Variants in CXCR5 observed in about 807,000 individuals in gnomAD.
The protein encoded by CXCR5 is C-X-C chemokine receptor type 5.
Under a neutral mutation model 5.6 loss-of-function variants are expected in CXCR5, and 3 were observed. The ratio of observed to expected loss-of-function variants is 0.54; its 90% CI spans 0.24 to 1.39. The LOEUF is 1.39. CXCR5 is among the 40% of genes most tolerant of loss of function. The pLI is 0.16. For missense variants in CXCR5, 333 were observed against 494.6 expected, an observed-to-expected ratio of 0.67 and a Z score of 3.10; for synonymous variants, 218 against 219.9, an observed-to-expected ratio of 0.99 and a Z score of 0.08.
At chr11:118,892,424 C>A (rs2137658226) in intron 1 of CXCR5, among the ~76,000 whole-genome samples, 1 of 152,258 alleles carries the variant, frequency 6.6e-6, no homozygotes, top group South Asian at 2.1e-4. Flanking sequence ...GGACAGAGTA[C>A]CCCATCCCAT....
At chr11:118,884,897 G>A (rs1234381797) in intron 1 of CXCR5, among the ~76,000 whole-genome samples, 1 of 152,066 alleles carries the variant, frequency 6.6e-6, no homozygotes, top group Non-Finnish European at 1.5e-5. Context: ...TGGTTGTAAG[G>A]GTTTCTTGGA....
chr11:118,886,459 C>T lies in CXCR5; in HGVS notation c.51+2467C>T, dbSNP rs763585399. The T allele has an allele frequency of 8.1e-5, 34 of 419,164 alleles. 1 individual carries two copies. The highest frequency in any genetic ancestry group is 5.3e-4 in the South Asian group (31 of 58,278). The allele number at this position is 419,164 out of a possible 1,614,324, so 26.0% of individuals were successfully genotyped here. On this transcript the variant is annotated intron_variant, in intron 1 of 1. Coordinates refer to ENST00000292174, the MANE Select transcript of CXCR5 (RefSeq NM_001716.5). ...ACCAACTCGAGCCGCTTAAAATGTC[C>T]ACTTCTTTAAGGCAGGGGCTGGGGG...
At chr11:118,891,405 T>A (rs1442420035) in intron 1 of CXCR5, among the ~76,000 whole-genome samples, 1 of 152,016 alleles carries the variant, frequency 6.6e-6, no homozygotes, top group Non-Finnish European at 1.5e-5. Context: ...AGCAGCATAA[T>A]CATAGTTCAC....
At position 118,893,133 on chromosome 11, in the gene CXCR5, C is replaced by T. The variant is rs1447403209; in HGVS notation, c.52-463C>T. Among the ~76,000 whole-genome samples, 1 of 152,206 alleles carries T rather than the reference C, an allele frequency of 6.6e-6. No individual in the cohort carries two copies. Among genetic ancestry groups the T allele is most frequent in the African/African-American group, 2.4e-5 (1 of 41,454 alleles). ...GGAAGACCCATGAGGAGGGAGCCCA[C>T]AGGCCAAGTCAGCACCCGCCCGCCC... On this transcript the variant is annotated intron_variant, in intron 1 of 1. Coordinates refer to ENST00000292174, the MANE Select transcript of CXCR5 (RefSeq NM_001716.5). This position sits in a 1 kb window ranked among gnomAD's most constrained non-coding sequence, Gnocchi z 5.7.
chr11:118,891,234 T>G (rs1939805070), intron 1 of CXCR5, among the ~76,000 whole-genome samples: 1 of 152,106 alleles, frequency 6.6e-6, no homozygotes, highest in African/African-American at 2.4e-5. Context: ...AACTCCTGGC[T>G]TCAAGCAATC....
Position 118,889,349 on chromosome 11 carries a change from C to T in CXCR5, c.52-4247C>T, listed in dbSNP as rs145823417. On this transcript the variant is annotated intron_variant, in intron 1 of 1. Coordinates refer to ENST00000292174, the MANE Select transcript of CXCR5 (RefSeq NM_001716.5). ...CTGTGTCTATGCAAGGTGCATGTTG[C>T]TGTCAAGAGTGTGTGTGTGCACGAG... Among the ~76,000 whole-genome samples the T allele has an allele frequency of 3.2e-3, 480 of 152,300 alleles. 2 individuals carry two copies. Among genetic ancestry groups the T allele is most frequent in the African/African-American group, 0.011 (445 of 41,558 alleles).
intron 1 of CXCR5, chr11:118,887,808 C>T (rs570750918): frequency 1.3e-5 from 2 of 152,780 alleles, no homozygotes; most frequent in East Asian, 3.9e-4. Flanking sequence ...CTGGGAATAT[C>T]CACACAGGGA....
chr11:118,893,118 T>G lies in CXCR5; in HGVS notation c.52-478T>G, dbSNP rs554682307. Among the ~76,000 whole-genome samples, 1 of 152,208 alleles carries G rather than the reference T, an allele frequency of 6.6e-6. No homozygotes were observed. The highest frequency in any genetic ancestry group is 2.4e-5 in the African/African-American group (1 of 41,524). On this transcript the variant is annotated intron_variant, in intron 1 of 1. Transcript: ENST00000292174. The surrounding 1 kb of genome is among the most constrained non-coding windows in gnomAD (Gnocchi z 5.7). ...AGACAGTCAGGAACAGGAAGACCCA[T>G]GAGGAGGGAGCCCACAGGCCAAGTC...
rs1362492037 is a variant in CXCR5 at position 118,895,950 on chromosome 11, C to T, written c.*1287C>T. 6.0e-6 allele frequency: 1 copy of T among 167,096 alleles called. No homozygotes were observed. The highest frequency in any genetic ancestry group is 1.5e-5 in the Non-Finnish European group (1 of 68,130). 10.4% of individuals were successfully genotyped at this position (167,096 alleles called of 1,614,324 possible). On this transcript the variant is annotated 3_prime_UTR_variant, in exon 2 of 2. Coordinates refer to ENST00000292174, the MANE Select transcript of CXCR5 (RefSeq NM_001716.5). The surrounding 1 kb of genome is among the most constrained non-coding windows in gnomAD (Gnocchi z 4.2). ...GTCAGGGACCCCTGCCCTTGTCCCA[C>T]TCAAGCCAAGCAGCCAAGCTCCTTG...
At chr11:118,890,623 T>C in intron 1 of CXCR5, among the ~76,000 whole-genome samples, 1 of 152,002 alleles carries the variant, frequency 6.6e-6, no homozygotes. Context: ...TCTAGAGCAA[T>C]AATTTATTAA....
rs1382261097 is a variant in CXCR5 at position 118,894,251 on chromosome 11, G to T, written c.707G>T (p.Trp236Leu). ...GFLLPMLVMG[W>L]CYVGVVHRLR... ...CTGCTGCCCATGCTGGTGATGGGCT[G>T]GTGCTACGTGGGGGTAGTGCACAGG... Residue 236 changes from tryptophan (W) to leucine (L), a missense_variant, in exon 2 of 2, where the codon TGG (tryptophan) becomes TTG (leucine). Trp to Leu is a moderately conservative substitution (Grantham distance 61). Transcript: ENST00000292174. This position sits in a 1 kb window ranked among gnomAD's most constrained non-coding sequence, Gnocchi z 6.1. 2.5e-6 allele frequency: 4 copies of T among 1,614,022 alleles called. No homozygotes were observed. The Admixed American group carries it at 6.7e-5, about 27-fold the overall frequency.
At chr11:118,890,986 C>A (rs1262770600) in intron 1 of CXCR5, among the ~76,000 whole-genome samples, 4 of 152,096 alleles carry the variant, frequency 2.6e-5, no homozygotes, top group African/African-American at 9.7e-5. Flanking sequence ...ATCACTTGGG[C>A]CCAGGAGGTC....
At position 118,897,694 on chromosome 11, in the gene CXCR5, C is replaced by A. The variant is rs2137670049; in HGVS notation, c.*3031C>A. The A allele has an allele frequency of 2.3e-6, 1 of 434,020 alleles. No individual in the cohort carries two copies. Among genetic ancestry groups the A allele is most frequent in the South Asian group, 1.6e-5 (1 of 60,792 alleles). 26.9% of individuals were successfully genotyped at this position (434,020 alleles called of 1,614,324 possible). On this transcript the variant is annotated 3_prime_UTR_variant, in exon 2 of 2. Transcript: ENST00000292174. ...TGGGTGGCCATGTAGGGCTGCATGTCCCTGGGTCCAGGGGAATGGAGGGAG... is the reference window on the plus strand; with the variant it reads ...TGGGTGGCCATGTAGGGCTGCATGTACCTGGGTCCAGGGGAATGGAGGGAG...
chr11:118,889,221 G>A (rs1939769657), intron 1 of CXCR5, among the ~76,000 whole-genome samples: 1 of 152,190 alleles, frequency 6.6e-6, no homozygotes, highest in Non-Finnish European at 1.5e-5. Flanking sequence ...TCTGGTCATT[G>A]TGTTTCTTGC....
At chr11:118,885,273 C>T (rs1939693355) in intron 1 of CXCR5, among the ~76,000 whole-genome samples, 1 of 152,176 alleles carries the variant, frequency 6.6e-6, no homozygotes, top group South Asian at 2.1e-4. Flanking sequence ...TTCATCTAAC[C>T]AGGACCTGCT....
At chr11:118,889,328 G>A (rs1236825201) in intron 1 of CXCR5, among the ~76,000 whole-genome samples, 2 of 152,242 alleles carry the variant, frequency 1.3e-5, no homozygotes, top group Non-Finnish European at 2.9e-5. Context: ...TGGCACCTGT[G>A]TCTATGCAAG....
rs1939877033 is a variant in CXCR5, at chr11:118,894,815, C to T, written c.*152C>T. 1 of 665,582 alleles carries T rather than the reference C, an allele frequency of 1.5e-6. No homozygotes were observed. Among genetic ancestry groups the T allele is most frequent in the African/African-American group, 1.8e-5 (1 of 54,236 alleles). 41.2% of individuals were successfully genotyped at this position (665,582 alleles called of 1,614,324 possible). A position where few individuals can be genotyped will look rare whatever the true frequency, so the allele number is the denominator to read the frequency against. On this transcript the variant is annotated 3_prime_UTR_variant, in exon 2 of 2. Coordinates refer to ENST00000292174, the MANE Select transcript of CXCR5 (RefSeq NM_001716.5). This position sits in a 1 kb window ranked among gnomAD's most constrained non-coding sequence, Gnocchi z 6.1. ...TGGGGTAGCTAGAGGAACCAACCCC[C>T]ATTTCTAGAACATCCCTGCCAGCTC... is the stretch of plus-strand genomic sequence containing the variant.
In CXCR5 at chr11:118,893,699, T is replaced by C; in HGVS notation, c.155T>C (p.Val52Ala). Residue 52 changes from valine to alanine, a missense_variant, in exon 2 of 2, where the codon GTG (valine) becomes GCG (alanine). By Grantham distance (64) the Val-to-Ala change is moderately conservative. Transcript: ENST00000292174. The surrounding 1 kb of genome is among the most constrained non-coding windows in gnomAD (Gnocchi z 5.7). ...CCCCTCATGGCCTCCTTCAAGGCCG[T>C]GTTCGTGCCCGTGGCCTACAGCCTC... is the stretch of plus-strand genomic sequence containing the variant. ...EGPLMASFKA[V>A]FVPVAYSLIF... 2 of 1,614,166 alleles carry C rather than the reference T, an allele frequency of 1.2e-6. No individual in the cohort carries two copies. The highest frequency in any genetic ancestry group is 1.3e-5 in the African/African-American group (1 of 75,044).
At position 118,897,640 on chromosome 11, in the gene CXCR5, C is replaced by T. The variant is rs1302616891; in HGVS notation, c.*2977C>T. On this transcript the variant is annotated 3_prime_UTR_variant, in exon 2 of 2. Coordinates refer to ENST00000292174, the MANE Select transcript of CXCR5 (RefSeq NM_001716.5). ...TTGGGGACGAGACAGGAATGGTATC[C>T]CTTAGGGACCCAGAGACACTGCAAA... 1 of 379,536 alleles carries T rather than the reference C, an allele frequency of 2.6e-6. No individual in the cohort carries two copies. The highest frequency in any genetic ancestry group is 5.2e-6 in the Non-Finnish European group (1 of 193,658). The allele number at this position is 379,536 out of a possible 1,614,324, so 23.5% of individuals were successfully genotyped here.
Sources: gnomAD v4.1 joint callset for allele counts (sites outside exome capture counted in the v4.1 genomes callset) on GRCh38, gnomAD v4.1.1 for gene constraint, Gnocchi (gnomAD v3.1) non-coding constraint, MANE v1.5 for transcripts, NCBI Gene and HGNC (gene_info 2026-07-23, HGNC 2026-07-21) for gene names.